RFX4: variants seen among roughly 807,000 people sequenced by gnomAD.
The protein encoded by RFX4 is regulatory factor X4, also known as transcription factor RFX4.
Under a neutral mutation model 95.0 loss-of-function variants are expected in RFX4, and 10 were observed. The observed-to-expected ratio is 0.11, with a 90% CI of 0.06 to 0.18. The LOEUF is 0.18. Among genes scored for constraint, RFX4 ranks in the 10% least tolerant of loss-of-function variants. The probability of loss-of-function intolerance (pLI) is 1.00; values close to 1 mark genes in which losing one functional copy is unlikely to be tolerated. For missense variants in RFX4, 640 were observed against 922.0 expected, an observed-to-expected ratio of 0.69 and a Z score of 3.96; for synonymous variants, 321 against 340.7, an observed-to-expected ratio of 0.94 and a Z score of 0.64.
chr12:106,758,591 A>T (rs908549592), intron 17 of RFX4, among the ~76,000 whole-genome samples: 14 of 152,056 alleles, frequency 9.2e-5, no homozygotes, highest in Admixed American at 9.2e-4. Context: ...GGCAAGGGGG[A>T]CTCTGTCAGA....
chr12:106,587,039 G>A (rs1226871030), intron 1 of RFX4, among the ~76,000 whole-genome samples: 3 of 152,220 alleles, frequency 2.0e-5, no homozygotes, highest in Non-Finnish European at 4.4e-5. Context: ...GCTAAGCGCC[G>A]GCGTCTGGAT....
At chr12:106,652,011 C>T (rs976078434) in intron 3 of RFX4, among the ~76,000 whole-genome samples, 10 of 152,248 alleles carry the variant, frequency 6.6e-5, no homozygotes, top group African/African-American at 1.4e-4. Context: ...GAAACAATGC[C>T]GCGAATGGCA....
chr12:106,590,691 G>A (rs867025274), intron 1 of RFX4, among the ~76,000 whole-genome samples: 1 of 152,196 alleles, frequency 6.6e-6, no homozygotes, highest in Non-Finnish European at 1.5e-5. Flanking sequence ...TATGCCTGTC[G>A]TCCCTGCACT....
chr12:106,641,384 GAT>G (rs2040618946), intron 3 of RFX4, among the ~76,000 whole-genome samples: 1 of 152,160 alleles, frequency 6.6e-6, no homozygotes, highest in Non-Finnish European at 1.5e-5. Context: ...TAGTCATGAA[GAT>G]GAAATGAGTT....
intron 13 of RFX4, among the ~76,000 whole-genome samples, chr12:106,723,814 A>G (rs1298848817): frequency 1.3e-5 from 2 of 152,212 alleles, no homozygotes; most frequent in Non-Finnish European, 1.5e-5. Flanking sequence ...ACTAAGAGAC[A>G]GGAATTGCTT....
chr12:106,718,433 GA>G (rs2042334241), intron 11 of RFX4, among the ~76,000 whole-genome samples: 1 of 152,234 alleles, frequency 6.6e-6, no homozygotes. Flanking sequence ...AGCTGTGAAA[GA>G]ACAACCTTTG....
chr12:106,615,842 T>C (rs2040060495), intron 2 of RFX4, among the ~76,000 whole-genome samples: 1 of 152,244 alleles, frequency 6.6e-6, no homozygotes, highest in African/African-American at 2.4e-5. Context: ...CTTTGCTAAA[T>C]GTGCTTATTA....
intron 8 of RFX4, among the ~76,000 whole-genome samples, chr12:106,706,627 G>C (rs1219304693): frequency 6.6e-6 from 1 of 152,156 alleles, no homozygotes; most frequent in African/African-American, 2.4e-5. Flanking sequence ...TAGATGAATA[G>C]ATTACATGAC....
chr12:106,688,982 A>G (rs1331954710), intron 6 of RFX4, among the ~76,000 whole-genome samples: 1 of 152,078 alleles, frequency 6.6e-6, no homozygotes, highest in African/African-American at 2.4e-5. Flanking sequence ...ATAAGATACC[A>G]TTTTTGTTTT....
At chr12:106,726,824 T>C in intron 13 of RFX4, among the ~76,000 whole-genome samples, 1 of 152,130 alleles carries the variant, frequency 6.6e-6, no homozygotes, top group African/African-American at 2.4e-5. Context: ...TAGGTTGGAG[T>C]GCAGTGGTGC....
In RFX4 at chr12:106,590,148, G is replaced by T. The variant is rs2039517140; in HGVS notation, c.43+6785G>T. ...GACAGAGCATGGTGATGGGGTTGTT[G>T]GCTTCATAGGGTGGCTGTGCCACGT... is the stretch of plus-strand genomic sequence containing the variant. On this transcript the variant is annotated intron_variant, in intron 1 of 17. Coordinates refer to ENST00000392842, the MANE Select transcript of RFX4 (RefSeq NM_213594.3). 2.6e-5 allele frequency among the ~76,000 whole-genome samples: 4 copies of T among 152,260 alleles called. No homozygotes were observed. In the South Asian group the frequency reaches 8.3e-4, roughly 32 times the overall value.
intron 15 of RFX4, 99 bp downstream of exon 15, chr12:106,733,184 C>G (rs1459764458): frequency 1.5e-6 from 2 of 1,338,956 alleles, no homozygotes; most frequent in Admixed American, 3.6e-5. Context: ...TCCACACACA[C>G]AAAAAGCCAG....
chr12:106,684,965 C>T, intron 5 of RFX4: 2 of 1,603,854 alleles, frequency 1.2e-6, no homozygotes, highest in Non-Finnish European at 1.7e-6. Flanking sequence ...CTCATCTCTT[C>T]CCTCCTCGCA....
At chr12:106,654,078 T>C in intron 3 of RFX4, 150 bp from the exon 4 acceptor site, 1 of 1,050,048 alleles carries the variant, frequency 9.5e-7, no homozygotes, top group Non-Finnish European at 1.4e-6. Context: ...CTTGGGCAGC[T>C]TGCTTTGTCT....
chr12:106,717,182 G>C (rs2042310873), intron 11 of RFX4, among the ~76,000 whole-genome samples: 2 of 151,972 alleles, frequency 1.3e-5, no homozygotes, highest in Admixed American at 1.3e-4. Flanking sequence ...TGTGCCCCTA[G>C]GAACTCCCAA....
chr12:106,725,364 G>T (rs1028169905), intron 13 of RFX4, among the ~76,000 whole-genome samples: 43 of 152,218 alleles, frequency 2.8e-4, no homozygotes, highest in African/African-American at 9.9e-4. Context: ...CCTGTTTTAA[G>T]ATGAAAGAAA....
At chr12:106,732,044 C>T in intron 13 of RFX4, 86 bp from the exon 14 acceptor site, 1 of 1,553,412 alleles carries the variant, frequency 6.4e-7, no homozygotes. Flanking sequence ...ATTTAGAACA[C>T]TGTGTAACTT....
At chr12:106,614,521 T>TGTGTGTGTGTGTGTG (rs2040030946) in intron 2 of RFX4, among the ~76,000 whole-genome samples, 1 of 62,546 alleles carries the variant, frequency 1.6e-5, no homozygotes, top group Admixed American at 1.8e-4. Flanking sequence ...GTGTGTGTGT[T>TGTGTGTGTGTGTGTG]TGGTTGAGAA....
chr12:106,587,372 G>A (rs2039474959), intron 1 of RFX4, among the ~76,000 whole-genome samples: 1 of 152,208 alleles, frequency 6.6e-6, no homozygotes, highest in South Asian at 2.1e-4. Context: ...AAAATATTAT[G>A]AGTGCAGTTG....
Sources: gnomAD v4.1 joint callset for allele counts (sites outside exome capture counted in the v4.1 genomes callset) on GRCh38, gnomAD v4.1.1 for gene constraint, MANE v1.5 for transcripts, NCBI Gene and HGNC (gene_info 2026-07-23, HGNC 2026-07-21) for gene names.